HCN1: variants seen among roughly 807,000 people sequenced by gnomAD.
HCN1 encodes the protein hyperpolarization activated cyclic nucleotide gated potassium channel 1, also known as potassium/sodium hyperpolarization-activated cyclic nucleotide-gated channel 1.
In HCN1, 13 loss-of-function variants were observed where a neutral mutation model predicts 78.9. The ratio of observed to expected loss-of-function variants is 0.16; its 90% confidence interval spans 0.11 to 0.26. The LOEUF is 0.26. HCN1 is among the 10% of genes least tolerant of loss of function. The probability of loss-of-function intolerance (pLI) is 1.00; values close to 1 mark genes in which losing one functional copy is unlikely to be tolerated. For synonymous variants in HCN1, 552 were observed against 455.5 expected (o/e 1.21, Z -2.70); for missense variants, 810 against 1,154.3 (o/e 0.70, Z 4.32).
chr5:45,679,448 G>A (rs1471489061), intron 1 of HCN1, among the ~76,000 whole-genome samples: 5 of 152,068 alleles, frequency 3.3e-5, no homozygotes, highest in East Asian at 1.9e-4. Context: ...GCAGGAAATC[G>A]TCCCCCAGCT....
intron 2 of HCN1, among the ~76,000 whole-genome samples, chr5:45,625,366 T>C (rs548909287): frequency 6.6e-5 from 10 of 152,232 alleles, no homozygotes; most frequent in African/African-American, 2.4e-4. Context: ...TATGTACAAT[T>C]AGTGTCAGTC....
At chr5:45,484,336 G>A (rs1422071658) in intron 2 of HCN1, among the ~76,000 whole-genome samples, 5 of 152,048 alleles carry the variant, frequency 3.3e-5, no homozygotes, top group African/African-American at 9.7e-5. Flanking sequence ...TTGGAGGCTG[G>A]GGCAGCAGAA....
chr5:45,647,484 G>T (rs912559804), intron 1 of HCN1, among the ~76,000 whole-genome samples: 1 of 152,068 alleles, frequency 6.6e-6, no homozygotes, highest in Non-Finnish European at 1.5e-5. Flanking sequence ...TTGTTCCCCT[G>T]GGTGTCACAC....
At chr5:45,478,145 C>T (rs570006691) in intron 2 of HCN1, among the ~76,000 whole-genome samples, 27 of 151,814 alleles carry the variant, frequency 1.8e-4, no homozygotes, top group African/African-American at 5.8e-4. Context: ...CAATGAGACA[C>T]TCTGTCAAAA....
intron 4 of HCN1, among the ~76,000 whole-genome samples, chr5:45,377,477 A>AG (rs1324194536): frequency 6.6e-6 from 1 of 151,896 alleles, no homozygotes; most frequent in Non-Finnish European, 1.5e-5. Context: ...TCAAATACTT[A>AG]GGGGGCTGTT....
At chr5:45,349,579 G>T (rs993146557) in intron 5 of HCN1, among the ~76,000 whole-genome samples, 1 of 152,004 alleles carries the variant, frequency 6.6e-6, no homozygotes, top group Non-Finnish European at 1.5e-5. Context: ...ATTAAAGAAT[G>T]CAGGAGCTGG....
At chr5:45,421,208 G>A (rs538027099) in intron 3 of HCN1, among the ~76,000 whole-genome samples, 129 of 152,072 alleles carry the variant, frequency 8.5e-4, no homozygotes, top group Middle Eastern at 3.4e-3. Context: ...GACTACAGGC[G>A]CCAGCCACCA....
chr5:45,286,265 T>C (rs911981942), intron 6 of HCN1, among the ~76,000 whole-genome samples: 1 of 151,964 alleles, frequency 6.6e-6, no homozygotes, highest in Non-Finnish European at 1.5e-5. Context: ...CTTTCTGTTC[T>C]CCAAGTTATA....
At chr5:45,494,575 C>A (rs1741979878) in intron 2 of HCN1, among the ~76,000 whole-genome samples, 2 of 151,832 alleles carry the variant, frequency 1.3e-5, no homozygotes, top group African/African-American at 2.4e-5. Context: ...ATGGTAGTTT[C>A]TTTTGCTGTG....
At chr5:45,514,132 T>C (rs1742474316) in intron 2 of HCN1, among the ~76,000 whole-genome samples, 1 of 152,136 alleles carries the variant, frequency 6.6e-6, no homozygotes, top group Non-Finnish European at 1.5e-5. Flanking sequence ...TTGAATGAAA[T>C]TTCTCAAAAT....
At chr5:45,669,712 T>G (rs1021182242) in intron 1 of HCN1, among the ~76,000 whole-genome samples, 1 of 151,748 alleles carries the variant, frequency 6.6e-6, no homozygotes, top group Non-Finnish European at 1.5e-5. Context: ...ACTTTTAGAT[T>G]GATCATGCAA....
At position 45,661,338 on chromosome 5, in the gene HCN1, T is replaced by C. The variant is rs1236105115; in HGVS notation, c.426-15730A>G. Among the ~76,000 whole-genome samples the C allele has an allele frequency of 4.7e-5, 7 of 148,194 alleles. No individual in the cohort carries two copies. In the South Asian group the frequency reaches 8.8e-4, roughly 19 times the overall value. ...AGGGAAATTTATAGCACTAAATGCC[T>C]ACAAGAGAAAGCAGGAAAGATCCAA... On this transcript the variant is annotated intron_variant, in intron 1 of 7. Transcript: ENST00000303230.
At chr5:45,441,138 G>A (rs1740669565) in intron 3 of HCN1, among the ~76,000 whole-genome samples, 1 of 152,118 alleles carries the variant, frequency 6.6e-6, no homozygotes, top group Non-Finnish European at 1.5e-5. Context: ...GCTTGACCCA[G>A]GTTACAGTAT....
intron 3 of HCN1, among the ~76,000 whole-genome samples, chr5:45,399,174 C>T (rs1739746137): frequency 6.6e-6 from 1 of 152,198 alleles, no homozygotes; most frequent in African/African-American, 2.4e-5. Flanking sequence ...GCTGCTTCTC[C>T]TGCTGCTACA....
intron 6 of HCN1, among the ~76,000 whole-genome samples, chr5:45,291,805 C>G (rs1443145412): frequency 6.6e-6 from 1 of 152,044 alleles, no homozygotes; most frequent in African/African-American, 2.4e-5. Flanking sequence ...GCCGGGAATA[C>G]AGGCACAAGC....
At chr5:45,316,935 A>T (rs574515002) in intron 5 of HCN1, among the ~76,000 whole-genome samples, 1 of 152,298 alleles carries the variant, frequency 6.6e-6, no homozygotes, top group South Asian at 2.1e-4. Context: ...AAATGGAAGA[A>T]CATTCCATGC....
chr5:45,612,306 T>C (rs1298246905), intron 2 of HCN1, among the ~76,000 whole-genome samples: 2 of 152,182 alleles, frequency 1.3e-5, no homozygotes, highest in Admixed American at 1.3e-4. Flanking sequence ...ATCTGTATCA[T>C]TCATTTATCT....
intron 1 of HCN1, among the ~76,000 whole-genome samples, chr5:45,656,925 A>G (rs1448392091): frequency 1.3e-5 from 2 of 152,074 alleles, no homozygotes; most frequent in African/African-American, 2.4e-5. Context: ...TCTATCTAGT[A>G]TATGTTCTTT....
At chr5:45,664,515 T>C (rs1488891207) in intron 1 of HCN1, among the ~76,000 whole-genome samples, 1 of 138,004 alleles carries the variant, frequency 7.2e-6, no homozygotes, top group Non-Finnish European at 1.6e-5. Context: ...ACAAGCAACC[T>C]ACAAAATGGG....
Sources: gnomAD v4.1 joint callset for allele counts (sites outside exome capture counted in the v4.1 genomes callset) on GRCh38, gnomAD v4.1.1 for gene constraint, MANE v1.5 for transcripts, NCBI Gene and HGNC (gene_info 2026-07-23, HGNC 2026-07-21) for gene names.